PPFIA2: variants seen among roughly 807,000 people sequenced by gnomAD.
PPFIA2 encodes the protein liprin-alpha-2.
A neutral mutation model predicts 175.5 loss-of-function variants in PPFIA2; 46 were observed. The observed-to-expected ratio is 0.26, with a 90% CI of 0.21 to 0.34. PPFIA2 has a LOEUF of 0.34. Ranked by LOEUF, PPFIA2 falls within the 10% of genes least tolerant of loss-of-function variation. PPFIA2 has a pLI of 1.00. For missense variants in PPFIA2, 1,179 were observed against 1,506.1 expected, an observed-to-expected ratio of 0.78 and a Z score of 3.60; for synonymous variants, 568 against 511.4, an observed-to-expected ratio of 1.11 and a Z score of -1.49.
chr12:81,654,168 A>T (rs1485838098), intron 4 of PPFIA2, among the ~76,000 whole-genome samples: 2 of 151,962 alleles, frequency 1.3e-5, no homozygotes, highest in African/African-American at 2.4e-5. Context: ...CTGTGGATTT[A>T]AAAAATAATA....
intron 4 of PPFIA2, among the ~76,000 whole-genome samples, chr12:81,501,455 T>A (rs1156649311): frequency 1.3e-5 from 2 of 152,188 alleles, no homozygotes; most frequent in African/African-American, 4.8e-5. Context: ...TTTTGTTTAC[T>A]GTCTATGCCT....
chr12:81,317,030 G>A (rs1236905497), intron 22 of PPFIA2, among the ~76,000 whole-genome samples: 1 of 151,546 alleles, frequency 6.6e-6, no homozygotes, highest in Non-Finnish European at 1.5e-5. Context: ...AAATATTAGA[G>A]ATAACACATG....
At chr12:81,386,356 G>T (rs1046948136) in intron 8 of PPFIA2, among the ~76,000 whole-genome samples, 3 of 151,754 alleles carry the variant, frequency 2.0e-5, no homozygotes, top group Admixed American at 2.0e-4. Context: ...GTATGTGGTG[G>T]CTGGCTCTTG....
At chr12:81,462,570 G>GTATATATATATATATATATATATA (rs1254816940) in intron 4 of PPFIA2, among the ~76,000 whole-genome samples, 1 of 74,186 alleles carries the variant, frequency 1.3e-5, no homozygotes, top group Non-Finnish European at 2.4e-5. Flanking sequence ...ATATATATGT[G>GTATATATATATATATATATATATA]TATATATATA....
chr12:81,290,017 A>G (rs895805242), intron 24 of PPFIA2, among the ~76,000 whole-genome samples: 4 of 151,724 alleles, frequency 2.6e-5, no homozygotes, highest in African/African-American at 9.7e-5. Flanking sequence ...GGTCCAGCCC[A>G]TTATATCTAG....
chr12:81,641,089 T>C (rs1270788064), intron 4 of PPFIA2, among the ~76,000 whole-genome samples: 1 of 152,126 alleles, frequency 6.6e-6, no homozygotes. Context: ...CTCAAACGCT[T>C]TTCATTTCTT....
intron 3 of PPFIA2, among the ~76,000 whole-genome samples, chr12:81,691,436 G>T (rs1336321077): frequency 6.6e-6 from 1 of 152,088 alleles, no homozygotes; most frequent in Admixed American, 6.6e-5. Flanking sequence ...TCCTGTGTGT[G>T]GGAGGACTCT....
Position 81,620,159 on chromosome 12 carries a change from C to CAAA in PPFIA2, c.303+56629_303+56631dup, listed in dbSNP as rs376856927. Among the ~76,000 whole-genome samples the CAAA allele has an allele frequency of 6.3e-3, 336 of 52,994 alleles. 3 individuals carry two copies. The highest frequency in any genetic ancestry group is 0.048 in the Middle Eastern group (2 of 42). 34.8% of individuals were successfully genotyped at this position (52,994 alleles called of 152,430 possible). On this transcript the variant is annotated intron_variant, in intron 4 of 32. Transcript: ENST00000549396. The stretch of plus-strand genomic sequence containing the variant: ...TGGGCCACAGAGTGACACTCCTTCT[C>CAAA]AAAAAAAAAAAAAAAAAAAAAAAGA...
intron 4 of PPFIA2, among the ~76,000 whole-genome samples, chr12:81,621,689 T>A (rs927369719): frequency 6.6e-5 from 10 of 152,204 alleles, no homozygotes; most frequent in Non-Finnish European, 1.5e-4. Flanking sequence ...GAGTCAAAGA[T>A]AACTCCAATA....
chr12:81,678,991 A>AT (rs1004074633), intron 3 of PPFIA2, among the ~76,000 whole-genome samples: 5 of 151,986 alleles, frequency 3.3e-5, no homozygotes, highest in Non-Finnish European at 5.9e-5. Flanking sequence ...TAGCATTCTT[A>AT]TTGTCACTTA....
intron 24 of PPFIA2, among the ~76,000 whole-genome samples, chr12:81,284,935 T>TA (rs1371414221): frequency 2.0e-5 from 3 of 152,174 alleles, no homozygotes; most frequent in Non-Finnish European, 4.4e-5. Context: ...TTTAATTTAA[T>TA]AAAATGTATT....
intron 4 of PPFIA2, among the ~76,000 whole-genome samples, chr12:81,499,516 G>A (rs1371136066): frequency 6.6e-6 from 1 of 152,108 alleles, no homozygotes; most frequent in East Asian, 1.9e-4. Context: ...CAGAGAAAGA[G>A]GACAAAGGGG....
At chr12:81,753,010 C>T (rs897466916) in intron 3 of PPFIA2, among the ~76,000 whole-genome samples, 1 of 151,292 alleles carries the variant, frequency 6.6e-6, no homozygotes, top group Non-Finnish European at 1.5e-5. Context: ...TCTTGGCTCA[C>T]TGTAACCTCT....
At chr12:81,711,780 C>G (rs768908116) in intron 3 of PPFIA2, among the ~76,000 whole-genome samples, 4 of 149,208 alleles carry the variant, frequency 2.7e-5, no homozygotes, top group South Asian at 2.1e-4. Flanking sequence ...GCTATACTTA[C>G]ATTTTTTTTT....
chr12:81,368,579 A>C (rs193293842), intron 13 of PPFIA2, 146 bp downstream of exon 13: 6 of 846,538 alleles, frequency 7.1e-6, no homozygotes, highest in East Asian at 2.7e-5. Context: ...TAAATAAAAA[A>C]TATGCATTCC....
chr12:81,339,554 A>G (rs1346465795), intron 20 of PPFIA2, among the ~76,000 whole-genome samples: 1 of 151,562 alleles, frequency 6.6e-6, no homozygotes, highest in Non-Finnish European at 1.5e-5. Context: ...TTTTGCTCCG[A>G]ATGTCTTTTT....
At chr12:81,553,034 CT>C (rs2068203903) in intron 4 of PPFIA2, among the ~76,000 whole-genome samples, 1 of 151,694 alleles carries the variant, frequency 6.6e-6, no homozygotes, top group African/African-American at 2.4e-5. Flanking sequence ...TTTTTTCCCC[CT>C]AATGAAAGAG....
At chr12:81,650,088 C>A (rs891966632) in intron 4 of PPFIA2, among the ~76,000 whole-genome samples, 1 of 151,956 alleles carries the variant, frequency 6.6e-6, no homozygotes, top group African/African-American at 2.4e-5. Flanking sequence ...TGGCTCACTG[C>A]AAGCTCCGCC....
intron 4 of PPFIA2, among the ~76,000 whole-genome samples, chr12:81,482,208 G>A (rs2058317796): frequency 6.6e-6 from 1 of 152,160 alleles, no homozygotes; most frequent in African/African-American, 2.4e-5. Flanking sequence ...ATGCCAGTTA[G>A]AATGGCAATT....
Sources: gnomAD v4.1 joint callset for allele counts (sites outside exome capture counted in the v4.1 genomes callset) on GRCh38, gnomAD v4.1.1 for gene constraint, MANE v1.5 for transcripts, NCBI Gene and HGNC (gene_info 2026-07-23, HGNC 2026-07-21) for gene names.